The following SPATA16 variants were observed in gnomAD, a reference collection of about 807,000 sequenced individuals.
The protein encoded by SPATA16 is spermatogenesis-associated protein 16.
Under a neutral mutation model 63.3 loss-of-function variants are expected in SPATA16, and 36 were observed. The ratio of observed to expected loss-of-function variants is 0.57; its 90% confidence interval spans 0.44 to 0.75. SPATA16 has a LOEUF of 0.75. Among genes scored for constraint, SPATA16 ranks in the 30% least tolerant of loss-of-function variants. The probability of loss-of-function intolerance (pLI) is 0.00; values close to 1 mark genes in which losing one functional copy is unlikely to be tolerated. For missense variants in SPATA16, 646 were observed against 679.3 expected (o/e 0.95, Z 0.54); for synonymous variants, 203 against 216.7 (o/e 0.94, Z 0.56).
At chr3:172,924,913 G>A (rs1278243025) in intron 7 of SPATA16, among the ~76,000 whole-genome samples, 1 of 152,066 alleles carries the variant, frequency 6.6e-6, no homozygotes, top group Non-Finnish European at 1.5e-5. Flanking sequence ...ATACTCTCCA[G>A]GAGATCTAAA....
intron 2 of SPATA16, among the ~76,000 whole-genome samples, chr3:173,083,505 A>C (rs1736972618): frequency 6.6e-6 from 1 of 152,188 alleles, no homozygotes; most frequent in Non-Finnish European, 1.5e-5. Flanking sequence ...TTTTATTTTA[A>C]GTTCTGAGGT....
chr3:173,021,267 G>A (rs1463731051), intron 3 of SPATA16, among the ~76,000 whole-genome samples: 1 of 152,164 alleles, frequency 6.6e-6, no homozygotes, highest in African/African-American at 2.4e-5. Context: ...TAGTTAAAGA[G>A]CTGTCTAAAG....
intron 10 of SPATA16, among the ~76,000 whole-genome samples, chr3:172,902,188 C>T (rs1732139880): frequency 6.6e-6 from 1 of 151,766 alleles, no homozygotes; most frequent in Non-Finnish European, 1.5e-5. Context: ...CAGGCATGTG[C>T]CACAACACCC....
intron 3 of SPATA16, among the ~76,000 whole-genome samples, chr3:173,030,327 T>C (rs1035053636): frequency 6.6e-6 from 1 of 152,088 alleles, no homozygotes; most frequent in Non-Finnish European, 1.5e-5. Context: ...GCAAATCTTA[T>C]ATCTGTTACA....
chr3:172,889,722 T>A (rs191581792), intron 10 of SPATA16, 30 bp from the exon 11 acceptor site: 1 of 1,609,978 alleles, frequency 6.2e-7, no homozygotes, highest in East Asian at 2.2e-5. Flanking sequence ...GCAACAAGAT[T>A]TGTTGTTGTT....
At chr3:173,119,605 T>C (rs921001660) in intron 1 of SPATA16, among the ~76,000 whole-genome samples, 7 of 152,204 alleles carry the variant, frequency 4.6e-5, no homozygotes, top group African/African-American at 1.7e-4. Context: ...ATTTCCCCAA[T>C]GATTGATAAT....
At chr3:173,115,124 A>G (rs1164958617) in intron 2 of SPATA16, among the ~76,000 whole-genome samples, 1 of 152,200 alleles carries the variant, frequency 6.6e-6, no homozygotes, top group Non-Finnish European at 1.5e-5. Flanking sequence ...AGAGAGAAAC[A>G]CAAGCATTAT....
At chr3:173,098,058 A>T (rs1332513603) in intron 2 of SPATA16, among the ~76,000 whole-genome samples, 1 of 152,070 alleles carries the variant, frequency 6.6e-6, no homozygotes, top group East Asian at 1.9e-4. Context: ...ATTATCTGCC[A>T]CTGTTCTGGC....
At chr3:172,910,507 T>C (rs1323412080) in intron 10 of SPATA16, among the ~76,000 whole-genome samples, 1 of 152,130 alleles carries the variant, frequency 6.6e-6, no homozygotes, top group Non-Finnish European at 1.5e-5. Flanking sequence ...TGTAAATAAA[T>C]GGCATGGCTG....
intron 10 of SPATA16, among the ~76,000 whole-genome samples, chr3:172,910,147 G>A (rs1417591357): frequency 1.4e-5 from 2 of 147,224 alleles, no homozygotes; most frequent in Non-Finnish European, 3.0e-5. Context: ...AGGCTGGAGT[G>A]CAGTGGTGCG....
intron 10 of SPATA16, among the ~76,000 whole-genome samples, chr3:172,913,456 G>A (rs982331854): frequency 2.0e-5 from 3 of 152,048 alleles, no homozygotes; most frequent in Non-Finnish European, 2.9e-5. Context: ...TATGAACACA[G>A]CCTGTTGGAA....
In SPATA16 at chr3:173,071,530, GATGGGAGAAAA is replaced by G. The variant is rs1413880252; in HGVS notation, c.613-22447_613-22437del. On this transcript the variant is annotated intron_variant, in intron 2 of 10. Coordinates refer to ENST00000351008, the MANE Select transcript of SPATA16 (RefSeq NM_031955.6). ...AACAAAGTGAAGGGACAACCCACAG[GATGGGAGAAAA>G]TATTTGCAGACTACCCATCTTACAA... 2.6e-5 allele frequency among the ~76,000 whole-genome samples: 4 copies of G among 152,204 alleles called. No homozygotes were observed. The South Asian group carries it at 8.3e-4, about 32-fold the overall frequency.
intron 1 of SPATA16, among the ~76,000 whole-genome samples, chr3:173,127,393 A>G (rs1738252362): frequency 6.6e-6 from 1 of 152,222 alleles, no homozygotes; most frequent in African/African-American, 2.4e-5. Context: ...TGTCTAATCT[A>G]CAGTCCCTAT....
intron 9 of SPATA16, among the ~76,000 whole-genome samples, chr3:172,915,076 T>G (rs1275605774): frequency 6.6e-6 from 1 of 152,124 alleles, no homozygotes; most frequent in Admixed American, 6.6e-5. Flanking sequence ...CAATATGCAC[T>G]TTGAAAGCTC....
chr3:172,895,953 G>A (rs1010431823), intron 10 of SPATA16, among the ~76,000 whole-genome samples: 40 of 151,986 alleles, frequency 2.6e-4, no homozygotes, highest in African/African-American at 9.2e-4. Flanking sequence ...AGCCCAGGAG[G>A]GCAATTTCTA....
intron 2 of SPATA16, among the ~76,000 whole-genome samples, chr3:173,114,236 A>G (rs1468869658): frequency 2.6e-5 from 4 of 151,304 alleles, no homozygotes; most frequent in Admixed American, 1.3e-4. Flanking sequence ...CAAGCCTTCT[A>G]TGGGAGAGAT....
intron 6 of SPATA16, among the ~76,000 whole-genome samples, chr3:172,940,823 C>A (rs1733127672): frequency 6.6e-6 from 1 of 151,760 alleles, no homozygotes; most frequent in Admixed American, 6.6e-5. Context: ...TCTCTACTAG[C>A]ATACAAAAAA....
In SPATA16 at chr3:173,019,546, C is replaced by G; in HGVS notation, c.788G>C (p.Arg263Pro). 1.9e-6 allele frequency: 3 copies of G among 1,613,858 alleles called. No homozygotes were observed. The highest frequency in any genetic ancestry group is 2.5e-6 in the Non-Finnish European group (3 of 1,179,946). Residue 263 changes from arginine to proline, a missense_variant, in exon 4 of 11, where the codon CGG (arginine) becomes CCG (proline). Transcript: ENST00000351008. ...CACTGTTGCTTGACGAAGATGATTC[C>G]GGAAATAGGCTGGGTTTAAAACAAT... ...RSIVLNPAYFRNHLRQATVFR... is the reference protein window; with the variant it reads ...RSIVLNPAYFPNHLRQATVFR...
intron 10 of SPATA16, among the ~76,000 whole-genome samples, chr3:172,903,109 C>A (rs1732154894): frequency 6.6e-6 from 1 of 152,070 alleles, no homozygotes; most frequent in Admixed American, 6.6e-5. Context: ...TGTTATTCTC[C>A]AGAATTATAA....
Sources: gnomAD v4.1 joint callset for allele counts (sites outside exome capture counted in the v4.1 genomes callset) on GRCh38, gnomAD v4.1.1 for gene constraint, MANE v1.5 for transcripts, NCBI Gene and HGNC (gene_info 2026-07-23, HGNC 2026-07-21) for gene names.